Variants in ADAMTSL1 observed in about 807,000 individuals in gnomAD.
The protein encoded by ADAMTSL1 is ADAMTS like 1, also known as ADAMTS-like protein 1.
ADAMTSL1 carries 126 observed loss-of-function variants against 201.8 expected under a neutral mutation model. That is an observed-to-expected ratio of 0.62 (90% CI 0.54 to 0.72). ADAMTSL1 has a LOEUF of 0.72. ADAMTSL1 is among the 30% of genes least tolerant of loss of function. The pLI is 0.00. For synonymous variants in ADAMTSL1, 1,121 were observed against 903.4 expected, an observed-to-expected ratio of 1.24 and a Z score of -4.32; for missense variants, 2,679 against 2,277.8, an observed-to-expected ratio of 1.18 and a Z score of -3.59.
intron 2 of ADAMTSL1, among the ~76,000 whole-genome samples, chr9:18,215,447 T>TTA (rs1471331151): frequency 6.6e-5 from 10 of 152,146 alleles, no homozygotes; most frequent in African/African-American, 2.4e-4. Context: ...TATTTATGAG[T>TTA]TATATATGTG....
chr9:18,033,438 T>C (rs549866796), intron 1 of ADAMTSL1, among the ~76,000 whole-genome samples: 4 of 152,240 alleles, frequency 2.6e-5, no homozygotes, highest in Non-Finnish European at 5.9e-5. Flanking sequence ...GTAAATGTTA[T>C]TTTAACACAT....
intron 23 of ADAMTSL1, among the ~76,000 whole-genome samples, chr9:18,878,289 C>G (rs897748980): frequency 4.6e-5 from 7 of 152,244 alleles, no homozygotes; most frequent in African/African-American, 1.7e-4. Flanking sequence ...TGTTAACCCC[C>G]CTCCCCAGGA....
chr9:18,868,358 G>A (rs1173761604), intron 23 of ADAMTSL1, among the ~76,000 whole-genome samples: 2 of 152,248 alleles, frequency 1.3e-5, no homozygotes, highest in Admixed American at 1.3e-4. Flanking sequence ...GACTTGTCGA[G>A]TAATATTTGG....
intron 13 of ADAMTSL1, among the ~76,000 whole-genome samples, chr9:18,699,376 G>A (rs1195419092): frequency 6.8e-6 from 1 of 146,544 alleles, no homozygotes; most frequent in Non-Finnish European, 1.5e-5. Context: ...CCAGGCTAGA[G>A]TGCGGTGGCA....
intron 1 of ADAMTSL1, among the ~76,000 whole-genome samples, chr9:17,978,969 T>TC (rs1227868990): frequency 6.6e-6 from 1 of 151,508 alleles, no homozygotes; most frequent in Non-Finnish European, 1.5e-5. Flanking sequence ...CAGTTTTTTT[T>TC]TTTCTTTCAG....
chr9:18,896,897 C>T (rs1377836049), intron 26 of ADAMTSL1, among the ~76,000 whole-genome samples: 1 of 152,104 alleles, frequency 6.6e-6, no homozygotes, highest in Admixed American at 6.5e-5. Flanking sequence ...GCAGGCCCCA[C>T]TTAACATGGC....
intron 2 of ADAMTSL1, among the ~76,000 whole-genome samples, chr9:18,407,319 G>A (rs985313779): frequency 2.6e-5 from 4 of 152,184 alleles, no homozygotes; most frequent in African/African-American, 9.7e-5. Context: ...AATGTGTGCA[G>A]ACCCAAAAGC....
chr9:17,970,437 AG>A (rs2131424520), intron 1 of ADAMTSL1, among the ~76,000 whole-genome samples: 1 of 152,104 alleles, frequency 6.6e-6, no homozygotes, highest in Admixed American at 6.6e-5. Context: ...GTGAAATAGA[AG>A]CACTTGGGTG....
chr9:18,211,063 C>G (rs1274337907), intron 2 of ADAMTSL1, among the ~76,000 whole-genome samples: 2 of 151,982 alleles, frequency 1.3e-5, no homozygotes, highest in East Asian at 3.9e-4. Context: ...GCTGGCTGGA[C>G]AAAGAGAGTC....
chr9:18,822,422 G>A (rs545717119), intron 21 of ADAMTSL1, among the ~76,000 whole-genome samples: 7 of 152,314 alleles, frequency 4.6e-5, no homozygotes, highest in Admixed American at 4.6e-4. Flanking sequence ...TGACAGTTCA[G>A]AAATAGTAAA....
chr9:18,241,295 T>C (rs1831050287), intron 2 of ADAMTSL1, among the ~76,000 whole-genome samples: 1 of 152,172 alleles, frequency 6.6e-6, no homozygotes, highest in African/African-American at 2.4e-5. Context: ...ATTGGCCTAA[T>C]TTCAACGTTC....
rs1563909944 is a variant in ADAMTSL1 at position 18,906,858 on chromosome 9, T to C, written c.5128T>C (p.Trp1710Arg). ...NKAVPEHLCS[W>R]GPRPANWQRC... ...GGCAGTGCCTGAGCACCTGTGCTCC[T>C]GGGGGCCCCGGCCTGCCAACTGGCA... Residue 1710 changes from tryptophan (W) to arginine (R), a missense_variant, in exon 28 of 29, where the codon TGG (tryptophan) becomes CGG (arginine). Transcript: ENST00000380548. 6.2e-7 allele frequency: 1 copy of C among 1,614,014 alleles called. No homozygotes were observed.
At chr9:18,232,556 A>G (rs887593754) in intron 2 of ADAMTSL1, among the ~76,000 whole-genome samples, 1 of 152,208 alleles carries the variant, frequency 6.6e-6, no homozygotes, top group Non-Finnish European at 1.5e-5. Flanking sequence ...ACTATTGCAT[A>G]GTTAAAACTT....
At chr9:18,434,286 G>A (rs143745810) in intron 2 of ADAMTSL1, among the ~76,000 whole-genome samples, 46 of 152,182 alleles carry the variant, frequency 3.0e-4, no homozygotes, top group Admixed American at 3.9e-4. Flanking sequence ...GGCTGTGCTC[G>A]GTTAGTAAAG....
At chr9:18,402,367 G>A (rs1818019234) in intron 2 of ADAMTSL1, among the ~76,000 whole-genome samples, 1 of 152,152 alleles carries the variant, frequency 6.6e-6, no homozygotes. Context: ...TACTGCCACT[G>A]TCATTGGTGT....
At chr9:18,803,076 A>G (rs2131095178) in intron 20 of ADAMTSL1, among the ~76,000 whole-genome samples, 1 of 152,360 alleles carries the variant, frequency 6.6e-6, no homozygotes, top group African/African-American at 2.4e-5. Context: ...GCCATAACAA[A>G]TAACCACATA....
chr9:18,213,487 T>C (rs1489618603), intron 2 of ADAMTSL1, among the ~76,000 whole-genome samples: 2 of 152,206 alleles, frequency 1.3e-5, no homozygotes, highest in African/African-American at 4.8e-5. Flanking sequence ...GCCTTTGAGA[T>C]GATGCTGAAA....
intron 2 of ADAMTSL1, among the ~76,000 whole-genome samples, chr9:18,315,096 A>T (rs1208225516): frequency 2.0e-5 from 3 of 151,732 alleles, no homozygotes; most frequent in Admixed American, 2.0e-4. Flanking sequence ...CCCTACCCAC[A>T]TCCTGCTGAT....
chr9:17,913,391 C>T (rs1825966584), intron 1 of ADAMTSL1, among the ~76,000 whole-genome samples: 1 of 152,074 alleles, frequency 6.6e-6, no homozygotes, highest in African/African-American at 2.4e-5. Context: ...GTTTGTAGTT[C>T]TCCTTGAAGA....
Sources: gnomAD v4.1 joint callset for allele counts (sites outside exome capture counted in the v4.1 genomes callset) on GRCh38, gnomAD v4.1.1 for gene constraint, MANE v1.5 for transcripts, NCBI Gene and HGNC (gene_info 2026-07-23, HGNC 2026-07-21) for gene names.